ANKRD22: variants seen among roughly 807,000 people sequenced by gnomAD.
The protein encoded by ANKRD22 is ankyrin repeat domain-containing protein 22.
ANKRD22 carries 24 observed loss-of-function variants against 25.7 expected under a neutral mutation model. That is an observed-to-expected ratio of 0.93 (90% confidence interval 0.68 to 1.31). The LOEUF (loss-of-function observed/expected upper bound fraction) is 1.31, where lower values mean the gene tolerates loss of function less well. Ranked by LOEUF, ANKRD22 falls within the 50% of genes most tolerant of loss-of-function variation. ANKRD22 has a pLI of 0.00. For missense variants in ANKRD22, 214 were observed against 227.1 expected (o/e 0.94, Z 0.37); for synonymous variants, 84 against 84.3 (o/e 1.00, Z 0.02).
chr10:88,851,841 G>A lies in ANKRD22; in HGVS notation c.-234C>T, dbSNP rs1844108697. ...AATGAAACAAAGGCACTGGTGTCAT[G>A]TGTAACGACCCAAGCCTGTATCATC... On this transcript the variant is annotated 5_prime_UTR_variant, in exon 1 of 6. Coordinates refer to ENST00000371930, the MANE Select transcript of ANKRD22 (RefSeq NM_144590.3). 2 of 548,462 alleles carry A rather than the reference G, an allele frequency of 3.6e-6. No homozygotes were observed. Among genetic ancestry groups the A allele is most frequent in the Non-Finnish European group, 6.6e-6 (2 of 303,270 alleles). The allele number at this position is 548,462 out of a possible 1,614,324, so 34.0% of individuals were successfully genotyped here. A position where few individuals can be genotyped will look rare whatever the true frequency, so the allele number is the denominator to read the frequency against.
chr10:88,825,961 C>T, intron 4 of ANKRD22, 77 bp downstream of exon 4: 3 of 1,220,336 alleles, frequency 2.5e-6, no homozygotes, highest in Non-Finnish European at 3.5e-6. Flanking sequence ...AATAAAGCAA[C>T]TGTACAGATG....
chr10:88,823,606 T>A, intron 4 of ANKRD22: 1 of 418,490 alleles, frequency 2.4e-6, no homozygotes, highest in Middle Eastern at 7.4e-4. Flanking sequence ...GGCGGGCGGA[T>A]CACGAGGTCA....
In ANKRD22 at chr10:88,821,596, G is replaced by A. The variant is rs1465560268; in HGVS notation, c.*1345C>T. ...AGTGAATCTTAATTTATTAAGACAC[G>A]TTTAAAGACTTCAGAATCTATATCT... On this transcript the variant is annotated 3_prime_UTR_variant, in exon 6 of 6. Coordinates refer to ENST00000371930, the MANE Select transcript of ANKRD22 (RefSeq NM_144590.3). 2.6e-5 allele frequency among the ~76,000 whole-genome samples: 4 copies of A among 151,662 alleles called. No homozygotes were observed. Among genetic ancestry groups the A allele is most frequent in the Admixed American group, 6.6e-5 (1 of 15,256 alleles).
At chr10:88,825,238 T>A (rs1162115962) in intron 4 of ANKRD22, among the ~76,000 whole-genome samples, 2 of 152,252 alleles carry the variant, frequency 1.3e-5, no homozygotes, top group African/African-American at 4.8e-5. Flanking sequence ...TTGCCTACTT[T>A]TTCAATAAGG....
In ANKRD22 at chr10:88,821,223, T is replaced by A. The variant is rs1480529922; in HGVS notation, c.*1718A>T. On this transcript the variant is annotated 3_prime_UTR_variant, in exon 6 of 6. Transcript: ENST00000371930. ...AATGACTAAAAATTTCTGGCTCAAT[T>A]TTCTGCCTCCAAAAATTAAAAGCTA... 6.6e-6 allele frequency among the ~76,000 whole-genome samples: 1 copy of A among 152,228 alleles called. No individual in the cohort carries two copies. Among genetic ancestry groups the A allele is most frequent in the Non-Finnish European group, 1.5e-5 (1 of 68,038 alleles).
intron 2 of ANKRD22, among the ~76,000 whole-genome samples, chr10:88,831,570 G>T (rs746087841): frequency 6.6e-6 from 1 of 152,130 alleles, no homozygotes; most frequent in Non-Finnish European, 1.5e-5. Context: ...AAAGAAAGAA[G>T]CTCTATCCAG....
At chr10:88,826,342 A>G (rs1843856047) in intron 3 of ANKRD22, among the ~76,000 whole-genome samples, 1 of 152,196 alleles carries the variant, frequency 6.6e-6, no homozygotes, top group South Asian at 2.1e-4. Flanking sequence ...TAAGAACCTT[A>G]GAAATGTACT....
intron 1 of ANKRD22, among the ~76,000 whole-genome samples, chr10:88,835,568 G>GT (rs1373671551): frequency 6.6e-6 from 1 of 152,154 alleles, no homozygotes; most frequent in Admixed American, 6.5e-5. Flanking sequence ...TAACACAATT[G>GT]TAAGTATTTG....
At chr10:88,834,738 CAGCCT>C (rs1564604764) in intron 1 of ANKRD22, among the ~76,000 whole-genome samples, 4 of 152,126 alleles carry the variant, frequency 2.6e-5, no homozygotes, top group African/African-American at 9.7e-5. Context: ...AGTTCGAGAT[CAGCCT>C]GGCCAACATG....
chr10:88,825,006 C>CTA, intron 4 of ANKRD22, among the ~76,000 whole-genome samples: 1 of 93,796 alleles, frequency 1.1e-5, no homozygotes, highest in African/African-American at 3.2e-5. Flanking sequence ...CTCTCTCTCT[C>CTA]TCTCTCACAC....
chr10:88,832,559 TA>T (rs1204602226), intron 1 of ANKRD22, among the ~76,000 whole-genome samples: 2 of 151,662 alleles, frequency 1.3e-5, no homozygotes, highest in Non-Finnish European at 2.9e-5. Context: ...TTATCTTTAC[TA>T]AAGATAAAAT....
chr10:88,842,371 T>A (rs1844010458), intron 1 of ANKRD22, among the ~76,000 whole-genome samples: 1 of 152,104 alleles, frequency 6.6e-6, no homozygotes, highest in Non-Finnish European at 1.5e-5. Context: ...TATACTCTGG[T>A]CTATCTAACT....
rs1843906378 is a variant in ANKRD22 at position 88,831,848 on chromosome 10, T to C, written c.200A>G (p.Asn67Ser). The change falls in exon 2 of 6, where the codon AAC becomes AGC. Residue 67 changes from asparagine (N) to serine (S), a missense_variant. Coordinates refer to ENST00000371930, the MANE Select transcript of ANKRD22 (RefSeq NM_144590.3). ...TCATGACCTCACCTGGTTTTTGAGGTTGACATTAGCATTTCTTCTTAAAAG... is the reference window on the plus strand; with the variant it reads ...TCATGACCTCACCTGGTTTTTGAGGCTGACATTAGCATTTCTTCTTAAAAG... ...SFLLRRNANV[N>S]LKNQKERTCL... is the part of the protein sequence containing the mutation. 1.9e-6 allele frequency: 3 copies of C among 1,608,330 alleles called. No homozygotes were observed. The highest frequency in any genetic ancestry group is 2.5e-6 in the Non-Finnish European group (3 of 1,177,964).
intron 1 of ANKRD22, among the ~76,000 whole-genome samples, chr10:88,840,412 C>G (rs994418237): frequency 8.5e-5 from 13 of 152,170 alleles, no homozygotes; most frequent in Admixed American, 2.6e-4. Context: ...AACATCTGAA[C>G]AACTTGTACC....
intron 1 of ANKRD22, 76 bp from the exon 2 acceptor site, chr10:88,832,102 C>T (rs1843909952): frequency 7.2e-7 from 1 of 1,381,124 alleles, no homozygotes; most frequent in Non-Finnish European, 9.8e-7. Flanking sequence ...AAAGTCATAA[C>T]CCAATACATT....
Position 88,851,658 on chromosome 10 carries a change from G to A in ANKRD22, c.-51C>T, listed in dbSNP as rs534567928. On this transcript the variant is annotated 5_prime_UTR_variant, in exon 1 of 6. Transcript: ENST00000371930. ...CCTCTACAGCTCCTTGAATCTTCTG[G>A]AGGTATTTCTGATGAATATCAAAAT... 335 of 1,605,292 alleles carry A rather than the reference G, an allele frequency of 2.1e-4. 1 individual carries two copies. In the South Asian group the frequency reaches 3.5e-3, roughly 17 times the overall value.
chr10:88,828,815 C>T (rs904220771), intron 2 of ANKRD22, 149 bp from the exon 3 acceptor site: 47 of 623,932 alleles, frequency 7.5e-5, no homozygotes, highest in South Asian at 1.2e-4. Context: ...TTACTGAATG[C>T]GGCTTTCCAT....
Position 88,828,966 on chromosome 10 carries a change from C to T in ANKRD22, c.214-300G>A, listed in dbSNP as rs75689678. Among the ~76,000 whole-genome samples, 1,508 of 152,232 alleles carry T rather than the reference C, an allele frequency of 9.9e-3. 24 individuals carry two copies. Among genetic ancestry groups the T allele is most frequent in the South Asian group, 0.073 (352 of 4,820 alleles). ...CACTTAGTTTTTGGAAAAAAAGATA[C>T]ACTGAGATATAAACTTAGGACTGAA... On this transcript the variant is annotated intron_variant, in intron 2 of 5. Coordinates refer to ENST00000371930, the MANE Select transcript of ANKRD22 (RefSeq NM_144590.3).
chr10:88,820,275 C>A lies in ANKRD22; in HGVS notation c.*2666G>T, dbSNP rs1176159441. ...AGAGTCAGAGATATGACGGTCCCTACAGCAATGTGGACAGGAGGTCAGGAC... is the reference window on the plus strand; with the variant it reads ...AGAGTCAGAGATATGACGGTCCCTAAAGCAATGTGGACAGGAGGTCAGGAC... On this transcript the variant is annotated 3_prime_UTR_variant, in exon 6 of 6. Transcript: ENST00000371930. 2 of 1,551,776 alleles carry A rather than the reference C, an allele frequency of 1.3e-6. No homozygotes were observed. Among genetic ancestry groups the A allele is most frequent in the African/African-American group, 2.7e-5 (2 of 73,062 alleles).
Sources: allele counts gnomAD v4.1 joint callset (sites outside exome capture counted in the v4.1 genomes callset), GRCh38; gene constraint gnomAD v4.1.1; transcripts MANE v1.5; gene names NCBI Gene and HGNC (gene_info 2026-07-23, HGNC 2026-07-21).